Variants in MFSD11 observed in about 807,000 individuals in gnomAD.
MFSD11 encodes major facilitator superfamily domain containing 11.
MFSD11 carries 36 observed loss-of-function variants against 53.5 expected under a neutral mutation model. The ratio of observed to expected loss-of-function variants is 0.67; its 90% confidence interval spans 0.52 to 0.89. The LOEUF (loss-of-function observed/expected upper bound fraction) is 0.89, where lower values mean the gene tolerates loss of function less well. MFSD11 is among the 40% of genes least tolerant of loss of function. MFSD11 has a pLI of 0.00. For missense variants in MFSD11, 530 were observed against 543.9 expected, an observed-to-expected ratio of 0.97 and a Z score of 0.25; for synonymous variants, 186 against 184.9, an observed-to-expected ratio of 1.01 and a Z score of -0.05.
rs2081436193 is a variant in MFSD11 at position 76,772,304 on chromosome 17, C to T, written c.874+2433C>T. On this transcript the variant is annotated intron_variant, in intron 10 of 12. Transcript: ENST00000685175. Reference sequence around the variant, plus strand: ...GCCAGGTGTAGTGGCGTATGCCTGTCGTCCCAGCTACTTGGGAGGCTGAAG... The same window carrying T: ...GCCAGGTGTAGTGGCGTATGCCTGTTGTCCCAGCTACTTGGGAGGCTGAAG... 5.9e-5 allele frequency among the ~76,000 whole-genome samples: 9 copies of T among 151,546 alleles called. 1 individual carries two copies. The South Asian group carries it at 1.7e-3, about 28-fold the overall frequency.
At chr17:76,785,127 G>A (rs1159177931), downstream of MFSD11, among the ~76,000 whole-genome samples, 1 of 152,198 alleles carries the variant, frequency 6.6e-6, no homozygotes, top group Admixed American at 6.5e-5. Context: ...GTATGATTCA[G>A]CCTTTAAAGG....
At chr17:76,755,883 G>C (rs1404576556) in intron 8 of MFSD11, among the ~76,000 whole-genome samples, 1 of 133,052 alleles carries the variant, frequency 7.5e-6, no homozygotes, top group Non-Finnish European at 1.5e-5. Flanking sequence ...GAATGCAATG[G>C]TGCGATCTCA....
intron 5 of MFSD11, among the ~76,000 whole-genome samples, chr17:76,743,186 T>A (rs1202995208): frequency 6.6e-6 from 1 of 152,198 alleles, no homozygotes; most frequent in Non-Finnish European, 1.5e-5. Flanking sequence ...TACTGTCACA[T>A]GGAAGGAGAC....
chr17:76,736,730 C>A, upstream of MFSD11: 1 of 1,380,784 alleles, frequency 7.2e-7, no homozygotes, highest in South Asian at 1.6e-5. Context: ...CGCCGCGGAC[C>A]TTTGTGAGGT....
At position 76,738,929 on chromosome 17, in the gene MFSD11, TCCA is replaced by T. The variant is rs746421783; in HGVS notation, c.97-7_97-5del. 8.1e-6 allele frequency: 13 copies of T among 1,613,438 alleles called. No individual in the cohort carries two copies. The South Asian group carries it at 1.4e-4, about 18-fold the overall frequency. On this transcript the variant is annotated splice_polypyrimidine_tract_variant and splice_region_variant and intron_variant, in intron 1 of 12. Coordinates refer to ENST00000685175, the MANE Select transcript of MFSD11 (RefSeq NM_001242532.5). ...ACATTTTCGTTGATTAGTTTTATCT[TCCA>T]CACAGCAAACTGTCATCAGGAGCTT... is the stretch of plus-strand genomic sequence containing the variant.
rs1343084596 is a variant in MFSD11, at chr17:76,776,313, G to A, written c.1050-93G>A. Reference sequence around the variant, plus strand: ...TTTTGTTTCATAGTGTTTACAACTTGCAGGTAGAATTCTTTTGTGGGTGGG... The same window carrying A: ...TTTTGTTTCATAGTGTTTACAACTTACAGGTAGAATTCTTTTGTGGGTGGG... On this transcript the variant is annotated intron_variant, in intron 11 of 12. Transcript: ENST00000685175. The surrounding 1 kb of genome is among the most constrained non-coding windows in gnomAD (Gnocchi z 4.2). 5 of 1,340,324 alleles carry A rather than the reference G, an allele frequency of 3.7e-6. No homozygotes were observed. Among genetic ancestry groups the A allele is most frequent in the Admixed American group, 2.1e-5 (1 of 47,180 alleles). The allele number at this position is 1,340,324 out of a possible 1,614,324, so 83.0% of individuals were successfully genotyped here.
chr17:76,752,739 C>G (rs1176729042), intron 7 of MFSD11, among the ~76,000 whole-genome samples: 1 of 152,140 alleles, frequency 6.6e-6, no homozygotes. Flanking sequence ...AATAAAATTG[C>G]AGGTTGCGAC....
chr17:76,758,414 C>T (rs1164112972), intron 8 of MFSD11, among the ~76,000 whole-genome samples: 1 of 151,950 alleles, frequency 6.6e-6, no homozygotes, highest in Admixed American at 6.6e-5. Flanking sequence ...GCACCTCTCT[C>T]TCTACAAAAG....
the MFSD11 span, among the ~76,000 whole-genome samples, chr17:76,795,820 ATTT>A: frequency 7.1e-6 from 1 of 140,018 alleles, no homozygotes. Context: ...CGCCCGGCTA[ATTT>A]TTTTTTTTTT....
chr17:76,791,499 A>G, the MFSD11 span, among the ~76,000 whole-genome samples: 2 of 148,722 alleles, frequency 1.3e-5, no homozygotes, highest in Admixed American at 1.3e-4. Flanking sequence ...TTGATGACTC[A>G]TATTGTAGAC....
At chr17:76,761,947 A>G (rs2080295574) in intron 8 of MFSD11, among the ~76,000 whole-genome samples, 2 of 152,136 alleles carry the variant, frequency 1.3e-5, no homozygotes, top group Admixed American at 6.5e-5. Flanking sequence ...TTCATATACC[A>G]TATGATTCAC....
chr17:76,742,289 A>T lies in MFSD11; in HGVS notation c.437+16A>T. On this transcript the variant is annotated intron_variant, in intron 5 of 12. Transcript: ENST00000685175. ...TGCAGTCTAGGTAATTATCCTTTTG[A>T]GGTTCAGTCTTTCCTTTTCTTTCTT... The T allele has an allele frequency of 6.3e-7, 1 of 1,596,072 alleles. No individual in the cohort carries two copies. The highest frequency in any genetic ancestry group is 8.6e-7 in the Non-Finnish European group (1 of 1,165,770).
chr17:76,741,933 C>T (rs550396620), intron 3 of MFSD11, 36 bp from the exon 4 acceptor site: 14 of 1,613,578 alleles, frequency 8.7e-6, no homozygotes, highest in East Asian at 6.7e-5. Context: ...TTTCAGGTAT[C>T]GTTTGACTGT....
chr17:76,738,313 G>C lies in MFSD11; in HGVS notation c.-40G>C. On this transcript the variant is annotated 5_prime_UTR_variant, in exon 1 of 13. Coordinates refer to ENST00000685175, the MANE Select transcript of MFSD11 (RefSeq NM_001242532.5). ...CAGTGGCTTCGCCCCGAGGAGAGCT[G>C]ACTGCCCTGGGCTGCTGCCTCCGGC... 7.1e-7 allele frequency: 1 copy of C among 1,411,556 alleles called. No individual in the cohort carries two copies. The highest frequency in any genetic ancestry group is 1.0e-6 in the Non-Finnish European group (1 of 999,000). 87.4% of individuals were successfully genotyped at this position (1,411,556 alleles called of 1,614,324 possible).
intron 8 of MFSD11, 77 bp from the exon 9 acceptor site, chr17:76,767,301 GGGTGTTTT>G: frequency 2.7e-6 from 2 of 749,996 alleles, no homozygotes; most frequent in Non-Finnish European, 4.7e-6. Context: ...TATTGACAAG[GGGTGTTTT>G]GGTTGAAGGA....
chr17:76,773,632 C>T (rs1040880518), intron 10 of MFSD11, among the ~76,000 whole-genome samples: 7 of 151,794 alleles, frequency 4.6e-5, no homozygotes, highest in Admixed American at 2.0e-4. Context: ...TTTTTCCAGA[C>T]GGAGTCTCGC....
rs74363398 is a variant in MFSD11 at position 76,742,373 on chromosome 17, C to T, written c.437+100C>T. 1.6e-3 allele frequency: 1,478 copies of T among 945,512 alleles called. 9 individuals are homozygous for T. The highest frequency in any genetic ancestry group is 0.015 in the South Asian group (979 of 64,222). The allele number at this position is 945,512 out of a possible 1,614,324, so 58.6% of individuals were successfully genotyped here. A position where few individuals can be genotyped will look rare whatever the true frequency, so the allele number is the denominator to read the frequency against. On this transcript the variant is annotated intron_variant, in intron 5 of 12. Transcript: ENST00000685175. ...TTGACAATTTGGATCTTCCATGTTACGTGACTTAAGTTCTAGCTAAATGTG... is the reference window on the plus strand; with the variant it reads ...TTGACAATTTGGATCTTCCATGTTATGTGACTTAAGTTCTAGCTAAATGTG...
At chr17:76,786,266 T>C (rs2082273148), downstream of MFSD11, among the ~76,000 whole-genome samples, 3 of 150,714 alleles carry the variant, frequency 2.0e-5, 1 homozygote, top group Admixed American at 2.0e-4. Context: ...TGCCTCAGCC[T>C]CCCAAGTAGC....
upstream of MFSD11, chr17:76,737,251 T>G (rs780469516): frequency 2.1e-6 from 3 of 1,446,060 alleles, no homozygotes; most frequent in African/African-American, 4.3e-5. Flanking sequence ...GCAGTTGCCT[T>G]CCGCGTGGGG....
Sources: allele counts gnomAD v4.1 joint callset (sites outside exome capture counted in the v4.1 genomes callset), GRCh38; gene constraint gnomAD v4.1.1; non-coding constraint Gnocchi (gnomAD v3.1); transcripts MANE v1.5; gene names NCBI Gene and HGNC (gene_info 2026-07-23, HGNC 2026-07-21).